CALD1: variants seen among roughly 807,000 people sequenced by gnomAD.
The protein encoded by CALD1 is caldesmon 1.
A neutral mutation model predicts 99.9 loss-of-function variants in CALD1; 33 were observed. That is an observed-to-expected ratio of 0.33 (90% CI 0.25 to 0.44). CALD1 has a LOEUF of 0.44. Ranked by LOEUF, CALD1 falls within the 20% of genes least tolerant of loss-of-function variation. The pLI is 1.00. For synonymous variants in CALD1, 310 were observed against 325.0 expected, an observed-to-expected ratio of 0.95 and a Z score of 0.50; for missense variants, 861 against 962.1, an observed-to-expected ratio of 0.89 and a Z score of 1.39.
At chr7:134,941,578 G>T (rs1049820077) in intron 7 of CALD1, among the ~76,000 whole-genome samples, 1 of 151,860 alleles carries the variant, frequency 6.6e-6, no homozygotes, top group African/African-American at 2.4e-5. Context: ...GTCATTCAAT[G>T]ATTCTCTATA....
At chr7:134,859,973 A>G (rs1800491262) in intron 2 of CALD1, among the ~76,000 whole-genome samples, 2 of 152,136 alleles carry the variant, frequency 1.3e-5, no homozygotes, top group East Asian at 1.9e-4. Context: ...GAGAAGTACA[A>G]ATAGAGAAAT....
chr7:134,947,344 C>A (rs1365528853), intron 7 of CALD1, among the ~76,000 whole-genome samples, 164 bp from the exon 8 acceptor site: 1 of 152,130 alleles, frequency 6.6e-6, no homozygotes, highest in African/African-American at 2.4e-5. Context: ...GGCTCCTGGA[C>A]TCTGTGATTC....
At chr7:134,740,523 T>C (rs777432032), upstream of CALD1, among the ~76,000 whole-genome samples, 10 of 152,236 alleles carry the variant, frequency 6.6e-5, no homozygotes, top group Non-Finnish European at 1.0e-4. Context: ...AAAAGCTTCA[T>C]GTGAGCCAAC....
intron 1 of CALD1, among the ~76,000 whole-genome samples, chr7:134,782,021 G>T (rs907651269): frequency 6.6e-6 from 1 of 152,324 alleles, no homozygotes; most frequent in African/African-American, 2.4e-5. Flanking sequence ...GCCATGTAAA[G>T]GTCCAGAATC....
At chr7:134,756,182 G>A (rs1020922912) in intron 1 of CALD1, among the ~76,000 whole-genome samples, 1 of 145,254 alleles carries the variant, frequency 6.9e-6, no homozygotes, top group African/African-American at 2.6e-5. Context: ...AGAGGCAGAA[G>A]AATTGCTTGA....
chr7:134,913,134 C>T (rs1803940645), intron 3 of CALD1, among the ~76,000 whole-genome samples: 1 of 152,122 alleles, frequency 6.6e-6, no homozygotes, highest in Non-Finnish European at 1.5e-5. Context: ...GGTGTGGTGG[C>T]ACATGCCTGT....
chr7:134,929,410 C>T (rs552453897), intron 4 of CALD1, among the ~76,000 whole-genome samples: 11 of 151,288 alleles, frequency 7.3e-5, no homozygotes, highest in South Asian at 2.1e-4. Flanking sequence ...CCTTTCTCCC[C>T]GAGTCCCCAG....
intron 3 of CALD1, among the ~76,000 whole-genome samples, chr7:134,874,181 CT>C (rs571610382): frequency 2.0e-5 from 3 of 150,468 alleles, no homozygotes; most frequent in East Asian, 2.0e-4. Flanking sequence ...TTCTTTTTTT[CT>C]TTTTTTTTGT....
chr7:134,898,035 C>A (rs1465661307), intron 3 of CALD1, among the ~76,000 whole-genome samples: 1 of 152,200 alleles, frequency 6.6e-6, no homozygotes, highest in East Asian at 1.9e-4. Flanking sequence ...AGCAATTATT[C>A]TGCCTCATCC....
In CALD1 at chr7:134,784,347, C is replaced by T. The variant is rs150551996; in HGVS notation, c.-130+4598C>T. ...GTCTCAAGATACATTGCTGGGGAACCAGGCTGACTTCACCTTGTGCTGAAG... is the reference window on the plus strand; with the variant it reads ...GTCTCAAGATACATTGCTGGGGAACTAGGCTGACTTCACCTTGTGCTGAAG... On this transcript the variant is annotated intron_variant, in intron 1 of 14. Transcript: ENST00000361675. Among the ~76,000 whole-genome samples the T allele has an allele frequency of 2.2e-3, 331 of 152,318 alleles. 2 individuals carry two copies. The highest frequency in any genetic ancestry group is 7.5e-3 in the African/African-American group (313 of 41,566).
chr7:134,964,316 T>C (rs187863811), intron 13 of CALD1, among the ~76,000 whole-genome samples: 9 of 152,152 alleles, frequency 5.9e-5, no homozygotes, highest in Admixed American at 4.6e-4. Context: ...GGGGCTGAGG[T>C]TGGGAGAAGA....
upstream of CALD1, among the ~76,000 whole-genome samples, chr7:134,741,261 CT>C (rs1406152289): frequency 6.8e-6 from 1 of 147,244 alleles, no homozygotes; most frequent in African/African-American, 2.7e-5. Flanking sequence ...CAAATACGTC[CT>C]TCTTCACATG....
Position 134,958,256 on chromosome 7 carries a change from A to C in CALD1, c.2027A>C (p.Asp676Ala). 6.2e-7 allele frequency: 1 copy of C among 1,614,058 alleles called. No homozygotes were observed. The highest frequency in any genetic ancestry group is 8.5e-7 in the Non-Finnish European group (1 of 1,179,996). Reference protein sequence around the residue: ...THQAAIVSKIDSRLEQYTSAI... With the variant: ...THQAAIVSKIASRLEQYTSAI... ...CAAGCAGCAATAGTCTCCAAGATTG[A>C]CAGCAGACTGGAGCAGTATACCAGT... Residue 676 changes from aspartate to alanine, a missense_variant, in exon 11 of 15, where the codon GAC (aspartate) becomes GCC (alanine). Coordinates refer to ENST00000361675, the MANE Select transcript of CALD1 (RefSeq NM_033138.4).
intron 2 of CALD1, among the ~76,000 whole-genome samples, chr7:134,860,128 T>C (rs959374701): frequency 2.0e-5 from 3 of 152,200 alleles, no homozygotes; most frequent in Non-Finnish European, 4.4e-5. Flanking sequence ...GTATTCACTC[T>C]TATTTCTATG....
intron 1 of CALD1, among the ~76,000 whole-genome samples, chr7:134,842,729 A>G (rs746806376): frequency 1.3e-5 from 2 of 152,174 alleles, no homozygotes; most frequent in Non-Finnish European, 2.9e-5. Context: ...TTAAATTAGG[A>G]TATTAACCAT....
At position 134,964,058 on chromosome 7, in the gene CALD1, G is replaced by A. The variant is rs186542398; in HGVS notation, c.2296-1248G>A. 1.0e-3 allele frequency among the ~76,000 whole-genome samples: 152 copies of A among 152,272 alleles called. 1 individual carries two copies. Among genetic ancestry groups the A allele is most frequent in the African/African-American group, 3.4e-3 (140 of 41,556 alleles). On this transcript the variant is annotated intron_variant, in intron 13 of 14. Transcript: ENST00000361675. ...CTAAAAATACAAAAATTAGCTGAGC[G>A]TGGTGGCTTGTGCCTGTAATCTCAG...
At chr7:134,903,633 T>C (rs573711371) in intron 3 of CALD1, among the ~76,000 whole-genome samples, 3 of 152,206 alleles carry the variant, frequency 2.0e-5, no homozygotes, top group African/African-American at 7.2e-5. Flanking sequence ...ATGGCCAAGA[T>C]TGTCTCCCTG....
chr7:134,781,902 T>A (rs1015814837), intron 1 of CALD1, among the ~76,000 whole-genome samples: 2 of 152,264 alleles, frequency 1.3e-5, no homozygotes, highest in Non-Finnish European at 2.9e-5. Flanking sequence ...TTCCTGACAG[T>A]AAGGCAACTG....
At chr7:134,835,771 A>T (rs116518862) in intron 1 of CALD1, among the ~76,000 whole-genome samples, 2 of 152,162 alleles carry the variant, frequency 1.3e-5, no homozygotes, top group Non-Finnish European at 2.9e-5. Flanking sequence ...GTCTAATAGC[A>T]TTAAAGAGGT....
Sources: allele counts gnomAD v4.1 joint callset (sites outside exome capture counted in the v4.1 genomes callset), GRCh38; gene constraint gnomAD v4.1.1; transcripts MANE v1.5; gene names NCBI Gene and HGNC (gene_info 2026-07-23, HGNC 2026-07-21).